Variants in ZNF644 observed in about 807,000 individuals in gnomAD.
The protein encoded by ZNF644 is zinc finger protein 644.
In ZNF644, 20 loss-of-function variants were observed where a neutral mutation model predicts 108.0. The observed-to-expected ratio is 0.19, with a 90% CI of 0.13 to 0.27. The LOEUF is 0.27. Among genes scored for constraint, ZNF644 ranks in the 10% least tolerant of loss-of-function variants. The pLI is 1.00. For synonymous variants in ZNF644, 542 were observed against 539.1 expected (o/e 1.01, Z -0.08); for missense variants, 1,338 against 1,548.9 (o/e 0.86, Z 2.29).
intron 2 of ZNF644, among the ~76,000 whole-genome samples, chr1:90,957,251 C>T (rs753897246): frequency 6.6e-6 from 1 of 152,146 alleles, no homozygotes; most frequent in African/African-American, 2.4e-5. Context: ...CAAATTCTTT[C>T]AGAAATGGAA....
chr1:90,940,900 A>G lies in ZNF644; in HGVS notation c.454T>C (p.Cys152Arg). 1 of 1,614,092 alleles carries G rather than the reference A, an allele frequency of 6.2e-7. No individual in the cohort carries two copies. The highest frequency in any genetic ancestry group is 2.2e-5 in the East Asian group (1 of 44,886). Residue 152 changes from cysteine (C) to arginine (R), a missense_variant, in exon 3 of 6, where the codon TGT becomes CGT. Transcript: ENST00000337393. ...TCAGCTGCTACCTTCAAAGTTGAAC[A>G]AGATTCTGTTGTTGGCTGATCCACA... is the stretch of plus-strand genomic sequence containing the variant. ...QPVDQPTTES[C>R]STLKVAADLQ...
At chr1:90,967,529 G>C (rs939500574) in intron 2 of ZNF644, among the ~76,000 whole-genome samples, 2 of 152,092 alleles carry the variant, frequency 1.3e-5, no homozygotes, top group African/African-American at 4.8e-5. Context: ...TGCATATGCT[G>C]TGTTGAACAA....
chr1:91,019,705 G>T (rs1660727537), intron 1 of ZNF644, among the ~76,000 whole-genome samples: 1 of 152,040 alleles, frequency 6.6e-6, no homozygotes, highest in Non-Finnish European at 1.5e-5. Flanking sequence ...CGAGTAGGTG[G>T]GACTATAGGC....
chr1:90,935,674 A>ATT (rs1382510351), intron 4 of ZNF644: 4 of 460,894 alleles, frequency 8.7e-6, no homozygotes, highest in African/African-American at 2.1e-5. Flanking sequence ...AGGAGGGGAA[A>ATT]TTAAGTTAAC....
At chr1:90,933,633 C>T (rs1352389811) in intron 4 of ZNF644, among the ~76,000 whole-genome samples, 1 of 151,626 alleles carries the variant, frequency 6.6e-6, no homozygotes, top group Non-Finnish European at 1.5e-5. Flanking sequence ...CACTGCACTC[C>T]AATCTGGGTG....
chr1:90,934,084 C>T (rs935917397), intron 4 of ZNF644, among the ~76,000 whole-genome samples: 3 of 152,122 alleles, frequency 2.0e-5, no homozygotes, highest in Admixed American at 6.5e-5. Flanking sequence ...TTGTTCCCCA[C>T]CTCTAATGTC....
chr1:90,988,983 C>A (rs1657378776), intron 1 of ZNF644, among the ~76,000 whole-genome samples: 1 of 152,104 alleles, frequency 6.6e-6, no homozygotes, highest in Admixed American at 6.6e-5. Flanking sequence ...GCTATGAATT[C>A]TTGAACATGA....
chr1:90,937,034 A>G (rs1375529110), intron 4 of ZNF644, among the ~76,000 whole-genome samples: 1 of 152,186 alleles, frequency 6.6e-6, no homozygotes, highest in Non-Finnish European at 1.5e-5. Flanking sequence ...GTTTTACCTA[A>G]GCAGTGGAAA....
At chr1:90,948,432 G>A (rs948728414) in intron 2 of ZNF644, among the ~76,000 whole-genome samples, 1 of 152,134 alleles carries the variant, frequency 6.6e-6, no homozygotes, top group African/African-American at 2.4e-5. Flanking sequence ...GAGATAACTG[G>A]TGCCTTAACA....
chr1:90,919,733 G>A (rs982775648), intron 4 of ZNF644, among the ~76,000 whole-genome samples: 7 of 152,022 alleles, frequency 4.6e-5, no homozygotes, highest in Non-Finnish European at 8.8e-5. Context: ...TCTCAGTCAA[G>A]AGCCTCGCAT....
At chr1:90,984,390 T>A (rs576037827) in intron 1 of ZNF644, among the ~76,000 whole-genome samples, 20 of 152,024 alleles carry the variant, frequency 1.3e-4, no homozygotes, top group Admixed American at 5.9e-4. Flanking sequence ...AGGAATCAAG[T>A]TAAATAAGGT....
intron 2 of ZNF644, among the ~76,000 whole-genome samples, chr1:90,953,298 ATT>A (rs10586999): frequency 0.16 from 23,277 of 142,816 alleles, 1,865 homozygotes; most frequent in Middle Eastern, 0.24. Context: ...ATGAGCCACC[ATT>A]TTTTTTTTTT....
Position 90,941,136 on chromosome 1 carries a change from G to C in ZNF644, c.218C>G (p.Thr73Ser), listed in dbSNP as rs1651930206. 1 of 1,613,714 alleles carries C rather than the reference G, an allele frequency of 6.2e-7. No individual in the cohort carries two copies. Among genetic ancestry groups the C allele is most frequent in the African/African-American group, 1.3e-5 (1 of 74,928 alleles). Reference sequence around the variant, plus strand: ...GTCCTTTGACAGTTCTTCAGGCAGAGTCAACGTATTATTTTTCTGAAATGA... The same window carrying C: ...GTCCTTTGACAGTTCTTCAGGCAGACTCAACGTATTATTTTTCTGAAATGA... ...QTSFQKNNTLTLPEELSKDKS... is the reference protein window; with the variant it reads ...QTSFQKNNTLSLPEELSKDKS... The change falls in exon 3 of 6, where the codon ACT (threonine) becomes AGT (serine). Residue 73 changes from threonine to serine, a missense_variant. Physicochemically the swap from Thr to Ser is moderately conservative, Grantham distance 58. Coordinates refer to ENST00000337393, the MANE Select transcript of ZNF644 (RefSeq NM_201269.3).
At chr1:90,976,105 C>A (rs1473255337) in intron 2 of ZNF644, among the ~76,000 whole-genome samples, 1 of 152,168 alleles carries the variant, frequency 6.6e-6, no homozygotes, top group Admixed American at 6.5e-5. Context: ...TTAAATGAAA[C>A]TGTTTTTACG....
chr1:90,941,259 T>G lies in ZNF644; in HGVS notation c.95A>C (p.Asn32Thr). 2 of 1,600,444 alleles carry G rather than the reference T, an allele frequency of 1.2e-6. No individual in the cohort carries two copies. Among genetic ancestry groups the G allele is most frequent in the Non-Finnish European group, 1.7e-6 (2 of 1,176,528 alleles). The stretch of plus-strand genomic sequence containing the variant: ...TTCTTTAGCACCAGTAATATCGGTG[T>G]TTATCTTCAAATCATCCATATTGTT... ...LANNMDDLKI[N>T]TDITGAKEEL... The change falls in exon 3 of 6, where the codon AAC (asparagine) becomes ACC (threonine). Residue 32 changes from asparagine (N) to threonine (T), a missense_variant. Coordinates refer to ENST00000337393, the MANE Select transcript of ZNF644 (RefSeq NM_201269.3).
chr1:90,922,064 T>C (rs1649505350), intron 4 of ZNF644, among the ~76,000 whole-genome samples: 1 of 152,220 alleles, frequency 6.6e-6, no homozygotes, highest in Admixed American at 6.5e-5. Flanking sequence ...CTGCCCATTT[T>C]ATACAATAAT....
chr1:91,002,953 G>A (rs1659026534), intron 1 of ZNF644, among the ~76,000 whole-genome samples: 1 of 151,682 alleles, frequency 6.6e-6, no homozygotes. Flanking sequence ...CTGGCCATCA[G>A]AGAAATGCAA....
chr1:90,919,191 C>T (rs1177384612), intron 4 of ZNF644, among the ~76,000 whole-genome samples: 1 of 151,986 alleles, frequency 6.6e-6, no homozygotes, highest in Non-Finnish European at 1.5e-5. Context: ...GATAGCAATC[C>T]AGGGTGCTGC....
intron 4 of ZNF644, among the ~76,000 whole-genome samples, chr1:90,921,648 T>C (rs760194694): frequency 1.3e-5 from 2 of 152,012 alleles, no homozygotes; most frequent in Admixed American, 6.6e-5. Context: ...AAGACTGTTA[T>C]CTTTCAAGTT....
Sources: gnomAD v4.1 joint callset for allele counts (sites outside exome capture counted in the v4.1 genomes callset) on GRCh38, gnomAD v4.1.1 for gene constraint, MANE v1.5 for transcripts, NCBI Gene and HGNC (gene_info 2026-07-23, HGNC 2026-07-21) for gene names.